The following PKHD1L1 variants were observed in gnomAD, a reference collection of about 807,000 sequenced individuals.
PKHD1L1 encodes the protein PKHD1 like 1.
In PKHD1L1, 434 loss-of-function variants were observed where a neutral mutation model predicts 462.9. That is an observed-to-expected ratio of 0.94 (90% confidence interval 0.87 to 1.02). The LOEUF (loss-of-function observed/expected upper bound fraction) is 1.02, where lower values mean the gene tolerates loss of function less well. PKHD1L1 is among the 50% of genes least tolerant of loss of function. PKHD1L1 has a pLI of 0.00. For missense variants in PKHD1L1, 5,202 were observed against 5,096.1 expected (o/e 1.02, Z -0.63); for synonymous variants, 1,781 against 1,750.0 (o/e 1.02, Z -0.44).
At chr8:109,481,801 G>A (rs1818289548) in intron 56 of PKHD1L1, among the ~76,000 whole-genome samples, 1 of 151,684 alleles carries the variant, frequency 6.6e-6, no homozygotes, top group South Asian at 2.1e-4. Context: ...ATATAAATGT[G>A]TGTATTTTAA....
At chr8:109,492,336 T>C (rs1818874827) in intron 62 of PKHD1L1, among the ~76,000 whole-genome samples, 1 of 151,826 alleles carries the variant, frequency 6.6e-6, no homozygotes, top group African/African-American at 2.4e-5. Context: ...CATCTAAAAT[T>C]GTCATGATTC....
rs772697634 is a variant in PKHD1L1 at position 109,384,143 on chromosome 8, T to C, written c.475+16T>C. On this transcript the variant is annotated intron_variant, in intron 5 of 77. Coordinates refer to ENST00000378402, the MANE Select transcript of PKHD1L1 (RefSeq NM_177531.6). ...GGAACTCCAGGTCTGTTATATGACA[T>C]CTGAAATAACTTTTGGTTTCATGGT... 2 of 1,580,702 alleles carry C rather than the reference T, an allele frequency of 1.3e-6. No individual in the cohort carries two copies. The highest frequency in any genetic ancestry group is 2.7e-5 in the African/African-American group (2 of 73,892).
intron 22 of PKHD1L1, among the ~76,000 whole-genome samples, chr8:109,419,752 AT>A (rs1814369725): frequency 6.6e-6 from 1 of 152,184 alleles, no homozygotes; most frequent in Non-Finnish European, 1.5e-5. Flanking sequence ...CATGACATTT[AT>A]TAGATGTAAT....
intron 21 of PKHD1L1, among the ~76,000 whole-genome samples, chr8:109,418,282 A>G (rs1338810865): frequency 2.6e-5 from 4 of 152,020 alleles, no homozygotes; most frequent in Non-Finnish European, 5.9e-5. Context: ...TCGTTTGCAT[A>G]CAATTTGCTA....
At chr8:109,507,123 C>A (rs908072359) in intron 68 of PKHD1L1, among the ~76,000 whole-genome samples, 1 of 152,090 alleles carries the variant, frequency 6.6e-6, no homozygotes, top group East Asian at 1.9e-4. Flanking sequence ...ATATACTAAT[C>A]TGCAATTGGT....
intron 2 of PKHD1L1, among the ~76,000 whole-genome samples, chr8:109,380,090 GGCTGATA>G (rs1490772261): frequency 6.6e-6 from 1 of 152,098 alleles, no homozygotes; most frequent in East Asian, 1.9e-4. Context: ...AATCTACAAT[GGCTGATA>G]GCAAGGGGGC....
chr8:109,479,885 A>G, intron 54 of PKHD1L1, 106 bp from the exon 55 acceptor site: 1 of 1,111,966 alleles, frequency 9.0e-7, no homozygotes, highest in Non-Finnish European at 1.3e-6. Flanking sequence ...ATGAAAAGAC[A>G]TGTCATAAAC....
chr8:109,448,417 C>G (rs1389711884), intron 39 of PKHD1L1, 26 bp downstream of exon 39: 1 of 1,564,054 alleles, frequency 6.4e-7, no homozygotes, highest in African/African-American at 1.4e-5. Flanking sequence ...CAAGAACCTG[C>G]AGATATTTTG....
chr8:109,479,742 C>A (rs1586595786), intron 54 of PKHD1L1, 103 bp downstream of exon 54: 2 of 909,302 alleles, frequency 2.2e-6, no homozygotes. Context: ...TCCAAAAGAG[C>A]AAGTGTGGAG....
chr8:109,437,047 C>T (rs1237643717), intron 30 of PKHD1L1, among the ~76,000 whole-genome samples: 2 of 152,182 alleles, frequency 1.3e-5, no homozygotes, highest in Admixed American at 1.3e-4. Flanking sequence ...TCCCAAGTCA[C>T]TGGGATTACA....
chr8:109,381,341 A>G (rs763326694), intron 2 of PKHD1L1, 29 bp from the exon 3 acceptor site: 1 of 1,522,578 alleles, frequency 6.6e-7, no homozygotes, highest in Non-Finnish European at 8.9e-7. Context: ...AATACCATTA[A>G]TAATAATTAA....
In PKHD1L1 at chr8:109,408,141, A is replaced by G; in HGVS notation, c.1906A>G (p.Thr636Ala). Reference sequence around the variant, plus strand: ...AACCAAAGGAAAACCCAACTTGGAGACATTCACACTGAATTGGGATGGGAT... The same window carrying G: ...AACCAAAGGAAAACCCAACTTGGAGGCATTCACACTGAATTGGGATGGGAT... The part of the protein sequence containing the change: ...EQTKGKPNLE[T>A]FTLNWDGIAS... The change falls in exon 18 of 78, where the codon ACA (threonine) becomes GCA (alanine). Residue 636 changes from threonine to alanine, a missense_variant. This residue lies in a region of PKHD1L1 where 4,497 missense variants were observed against 4,336.8 expected (regional missense o/e 1.04). Coordinates refer to ENST00000378402, the MANE Select transcript of PKHD1L1 (RefSeq NM_177531.6). 1.9e-6 allele frequency: 3 copies of G among 1,613,360 alleles called. No homozygotes were observed. The highest frequency in any genetic ancestry group is 2.5e-6 in the Non-Finnish European group (3 of 1,179,460).
chr8:109,527,177 T>C (rs924722111), intron 77 of PKHD1L1, 157 bp downstream of exon 77: 2 of 689,338 alleles, frequency 2.9e-6, no homozygotes, highest in Non-Finnish European at 2.4e-6. Flanking sequence ...CTATGGAAAA[T>C]GTTATTCACT....
chr8:109,409,767 A>AC (rs1813739226), intron 18 of PKHD1L1, 98 bp from the exon 19 acceptor site: 3 of 532,470 alleles, frequency 5.6e-6, no homozygotes, highest in Admixed American at 8.4e-5. Context: ...AATTATGAAA[A>AC]TGTCCTATTA....
chr8:109,459,426 A>G (rs2130812647), intron 46 of PKHD1L1, among the ~76,000 whole-genome samples, 169 bp from the exon 47 acceptor site: 1 of 137,018 alleles, frequency 7.3e-6, no homozygotes, highest in East Asian at 2.1e-4. Context: ...AACTTAGTTA[A>G]TCAAGCAAGA....
rs1457295 is a variant in PKHD1L1 at position 109,526,725 on chromosome 8, G to A, written c.12485-59G>A. Reference sequence around the variant, plus strand: ...CAGTCAATGAAAATCAAATGGGAACGGTATGAAAACAAGTAAAACATAAAG... The same window carrying A: ...CAGTCAATGAAAATCAAATGGGAACAGTATGAAAACAAGTAAAACATAAAG... On this transcript the variant is annotated intron_variant, in intron 76 of 77. Coordinates refer to ENST00000378402, the MANE Select transcript of PKHD1L1 (RefSeq NM_177531.6). 157 of 1,355,092 alleles carry A rather than the reference G, an allele frequency of 1.2e-4. 1 individual carries two copies. The African/African-American group carries it at 2.0e-3, about 18-fold the overall frequency. 83.9% of individuals were successfully genotyped at this position (1,355,092 alleles called of 1,614,324 possible).
chr8:109,507,349 A>G (rs1182957497), intron 68 of PKHD1L1, among the ~76,000 whole-genome samples: 1 of 152,192 alleles, frequency 6.6e-6, no homozygotes. Context: ...TATGCTGTGA[A>G]CAATGCACAA....
intron 30 of PKHD1L1, 142 bp from the exon 31 acceptor site, chr8:109,438,181 TA>T: frequency 1.6e-6 from 1 of 627,972 alleles, no homozygotes; most frequent in Non-Finnish European, 2.6e-6. Context: ...CACAACTTTC[TA>T]AATATATGAA....
intron 2 of PKHD1L1, among the ~76,000 whole-genome samples, chr8:109,377,154 A>G (rs1358147302): frequency 1.3e-5 from 2 of 152,368 alleles, no homozygotes; most frequent in Admixed American, 6.5e-5. Flanking sequence ...AGTATTATTT[A>G]AGGTGAGCAC....
Sources: gnomAD v4.1 joint callset for allele counts (sites outside exome capture counted in the v4.1 genomes callset) on GRCh38, gnomAD v4.1.1 for gene constraint, gnomAD v4.1.1 regional missense constraint, MANE v1.5 for transcripts, NCBI Gene and HGNC (gene_info 2026-07-23, HGNC 2026-07-21) for gene names.